The following PAK5 variants were observed in gnomAD, a reference collection of about 807,000 sequenced individuals.
PAK5 encodes p21 (RAC1) activated kinase 5.
A neutral mutation model predicts 65.9 loss-of-function variants in PAK5; 16 were observed. The observed-to-expected ratio is 0.24, with a 90% CI of 0.16 to 0.37. PAK5 has a LOEUF of 0.37. Among genes scored for constraint, PAK5 ranks in the 10% least tolerant of loss-of-function variants. The pLI is 1.00. For missense variants in PAK5, 785 were observed against 903.9 expected (o/e 0.87, Z 1.69); for synonymous variants, 371 against 354.9 (o/e 1.05, Z -0.51).
At chr20:9,802,913 T>TATATATATATATATATAC (rs2049187587) in intron 1 of PAK5, among the ~76,000 whole-genome samples, 4 of 122,082 alleles carry the variant, frequency 3.3e-5, no homozygotes, top group Non-Finnish European at 3.4e-5. Flanking sequence ...TGTATGTGTA[T>TATATATATATATATATAC]ATATATATAT....
At chr20:9,681,734 T>C (rs1257434285) in intron 2 of PAK5, among the ~76,000 whole-genome samples, 3 of 152,200 alleles carry the variant, frequency 2.0e-5, no homozygotes, top group African/African-American at 7.2e-5. Flanking sequence ...TTATTTAATA[T>C]AGTTAATATT....
chr20:9,672,025 G>A (rs2047505860), intron 2 of PAK5, among the ~76,000 whole-genome samples: 1 of 151,900 alleles, frequency 6.6e-6, no homozygotes, highest in Admixed American at 6.6e-5. Context: ...TGTGGAATTT[G>A]TTGAAGGAAT....
intron 4 of PAK5, among the ~76,000 whole-genome samples, chr20:9,577,207 C>A (rs1337804210): frequency 6.6e-6 from 1 of 150,948 alleles, no homozygotes; most frequent in African/African-American, 2.4e-5. Flanking sequence ...TTAGTTCCAG[C>A]AAAATACACT....
At chr20:9,834,260 G>A (rs1978972218) in intron 1 of PAK5, among the ~76,000 whole-genome samples, 1 of 152,106 alleles carries the variant, frequency 6.6e-6, no homozygotes, top group African/African-American at 2.4e-5. Context: ...AACATAACAT[G>A]TGTTCCTCTG....
At chr20:9,564,716 A>C (rs1002166489) in intron 5 of PAK5, among the ~76,000 whole-genome samples, 13 of 152,262 alleles carry the variant, frequency 8.5e-5, no homozygotes, top group African/African-American at 3.1e-4. Flanking sequence ...ATATGAAGCC[A>C]AAGACTTATG....
intron 7 of PAK5, among the ~76,000 whole-genome samples, chr20:9,556,824 C>G (rs559569711): frequency 1.3e-5 from 2 of 152,276 alleles, no homozygotes; most frequent in East Asian, 3.9e-4. Context: ...CCTCCCTCCT[C>G]CAAGCCTTAG....
At chr20:9,655,667 C>T (rs1247922160) in intron 2 of PAK5, among the ~76,000 whole-genome samples, 1 of 152,136 alleles carries the variant, frequency 6.6e-6, no homozygotes, top group Admixed American at 6.5e-5. Context: ...AATACGAGCA[C>T]ATCTGTGGCA....
rs1286143609 is a variant in PAK5, at chr20:9,580,151, AATGCAC to A, written c.978_983del (p.Met326_Cys327del). ...AGGAGGTAGCAAACGTTACCTTTGG[AATGCAC>A]ATTGTGGGCTCGGACAAGCGAGGGT... On this transcript the variant is annotated inframe_deletion, in exon 4 of 10. Coordinates refer to ENST00000353224, the MANE Select transcript of PAK5 (RefSeq NM_177990.4). 1.2e-6 allele frequency: 2 copies of A among 1,603,916 alleles called. No homozygotes were observed. The highest frequency in any genetic ancestry group is 2.7e-5 in the African/African-American group (2 of 74,732).
intron 1 of PAK5, among the ~76,000 whole-genome samples, chr20:9,727,968 T>A (rs2123542729): frequency 6.6e-6 from 1 of 152,272 alleles, no homozygotes; most frequent in East Asian, 1.9e-4. Context: ...TATTGGAGAA[T>A]GGTGTTTAGA....
chr20:9,829,968 T>C (rs1978576644), intron 1 of PAK5, among the ~76,000 whole-genome samples: 1 of 152,134 alleles, frequency 6.6e-6, no homozygotes, highest in African/African-American at 2.4e-5. Context: ...CCAAGCTCCA[T>C]TTACACCTCC....
In PAK5 at chr20:9,682,084, G is replaced by A. The variant is rs766876368; in HGVS notation, c.-12+29202C>T. Among the ~76,000 whole-genome samples the A allele has an allele frequency of 5.5e-4, 83 of 152,184 alleles. 1 individual carries two copies. The highest frequency in any genetic ancestry group is 1.4e-3 in the Admixed American group (21 of 15,278). On this transcript the variant is annotated intron_variant, in intron 2 of 9. Coordinates refer to ENST00000353224, the MANE Select transcript of PAK5 (RefSeq NM_177990.4). ...AGAAAGCTACTAGGGCGGGCTGGGC[G>A]CGGTGGCTCATGCCTGTAATCCCAG... is the stretch of plus-strand genomic sequence containing the variant.
At chr20:9,639,546 G>C (rs1289358192) in intron 3 of PAK5, among the ~76,000 whole-genome samples, 1 of 152,094 alleles carries the variant, frequency 6.6e-6, no homozygotes, top group Non-Finnish European at 1.5e-5. Flanking sequence ...TCCCTCAGCG[G>C]CACAATTGTG....
intron 6 of PAK5, among the ~76,000 whole-genome samples, chr20:9,559,404 C>T (rs1339322613): frequency 2.6e-5 from 4 of 152,066 alleles, no homozygotes; most frequent in Admixed American, 2.6e-4. Flanking sequence ...GCTAGAAAAT[C>T]CTGATGGGAT....
chr20:9,680,847 A>T (rs1208014341), intron 2 of PAK5, among the ~76,000 whole-genome samples: 1 of 152,246 alleles, frequency 6.6e-6, no homozygotes, highest in Non-Finnish European at 1.5e-5. Flanking sequence ...ACCCTAGGAT[A>T]GGATCAGCGT....
At chr20:9,773,640 G>A (rs2048857354) in intron 1 of PAK5, among the ~76,000 whole-genome samples, 1 of 152,226 alleles carries the variant, frequency 6.6e-6, no homozygotes, top group African/African-American at 2.4e-5. Context: ...CACAGGACAA[G>A]TGGGGGCAGA....
chr20:9,596,429 G>A (rs1354087620), intron 3 of PAK5, among the ~76,000 whole-genome samples: 2 of 152,078 alleles, frequency 1.3e-5, no homozygotes, highest in African/African-American at 4.8e-5. Flanking sequence ...AAGGTCAGGA[G>A]ATCAAGACCA....
chr20:9,687,915 T>TGTG (rs1374386228), intron 2 of PAK5, among the ~76,000 whole-genome samples: 2 of 126,004 alleles, frequency 1.6e-5, no homozygotes, highest in Non-Finnish European at 3.3e-5. Flanking sequence ...GTGTGTGTGT[T>TGTG]ATGTGTGTGC....
intron 1 of PAK5, among the ~76,000 whole-genome samples, chr20:9,743,414 A>G (rs1211772037): frequency 6.6e-6 from 1 of 151,382 alleles, no homozygotes; most frequent in African/African-American, 2.4e-5. Flanking sequence ...ACGAAACAAA[A>G]CAAAACAAAA....
intron 1 of PAK5, among the ~76,000 whole-genome samples, chr20:9,767,361 G>A (rs904161952): frequency 1.3e-5 from 2 of 152,204 alleles, no homozygotes; most frequent in African/African-American, 4.8e-5. Context: ...GGTCCGCTAA[G>A]GTCCACTCAC....
Sources: gnomAD v4.1 joint callset for allele counts (sites outside exome capture counted in the v4.1 genomes callset) on GRCh38, gnomAD v4.1.1 for gene constraint, MANE v1.5 for transcripts, NCBI Gene and HGNC (gene_info 2026-07-23, HGNC 2026-07-21) for gene names.